Variants in TIMM23 observed in about 807,000 individuals in gnomAD.
The protein encoded by TIMM23 is translocase of inner mitochondrial membrane 23.
TIMM23 carries 19 observed loss-of-function variants against 30.7 expected under a neutral mutation model. The observed-to-expected ratio is 0.62, with a 90% CI of 0.43 to 0.91. TIMM23 has a LOEUF of 0.91. Among genes scored for constraint, TIMM23 ranks in the 40% least tolerant of loss-of-function variants. The pLI, the probability that TIMM23 is intolerant of heterozygous loss-of-function variation, is 0.00. For synonymous variants in TIMM23, 78 were observed against 98.5 expected (o/e 0.79, Z 1.23); for missense variants, 202 against 269.2 (o/e 0.75, Z 1.75).
At chr10:45,974,854 G>T (rs1837617488) in intron 1 of TIMM23, among the ~76,000 whole-genome samples, 1 of 151,814 alleles carries the variant, frequency 6.6e-6, no homozygotes, top group South Asian at 2.1e-4. Context: ...AAGATGATAG[G>T]TTTTACTGTT....
intron 2 of TIMM23, among the ~76,000 whole-genome samples, chr10:45,976,907 T>C (rs1257251787): frequency 1.3e-5 from 2 of 152,306 alleles, no homozygotes; most frequent in Non-Finnish European, 2.9e-5. Flanking sequence ...TTAAAACTAA[T>C]GATCGAGTTC....
chr10:45,988,441 T>C (rs1554915169), intron 5 of TIMM23, among the ~76,000 whole-genome samples: 1 of 150,990 alleles, frequency 6.6e-6, no homozygotes, highest in East Asian at 2.0e-4. Context: ...GAAAAGGGAG[T>C]AGGTGAAAGG....
In TIMM23 at chr10:45,998,297, G is replaced by A. The variant is rs915967080; in HGVS notation, c.515-4906G>A. The A allele has an allele frequency of 4.9e-3, 3,816 of 777,912 alleles. 15 individuals are homozygous for A. Among genetic ancestry groups the A allele is most frequent in the Non-Finnish European group, 5.4e-3 (3,434 of 640,402 alleles). 48.2% of individuals were successfully genotyped at this position (777,912 alleles called of 1,614,324 possible). ...ATCAACCCTATATCCCACAAACAAG[G>A]CACTTAAATATTCTGGGCCTCATTT... On this transcript the variant is annotated intron_variant, in intron 6 of 6. Transcript: ENST00000580018.
chr10:45,985,249 A>G lies in TIMM23; in HGVS notation c.345-134A>G. ...AACCATCCTTATTGAAATCGGAGAT[A>G]TTAAGATGTATTTTAGAATTTAAAA... On this transcript the variant is annotated intron_variant, in intron 4 of 6. Coordinates refer to ENST00000580018, the MANE Select transcript of TIMM23 (RefSeq NM_006327.4). 7 of 729,504 alleles carry G rather than the reference A, an allele frequency of 9.6e-6. No individual in the cohort carries two copies. The South Asian group carries it at 1.0e-4, about 11-fold the overall frequency. 45.2% of individuals were successfully genotyped at this position (729,504 alleles called of 1,614,324 possible). A position where few individuals can be genotyped will look rare whatever the true frequency, so the allele number is the denominator to read the frequency against.
chr10:46,003,432 A>G lies in TIMM23; in HGVS notation c.*114A>G. 1 of 775,126 alleles carries G rather than the reference A, an allele frequency of 1.3e-6. No homozygotes were observed. Among genetic ancestry groups the G allele is most frequent in the African/African-American group, 1.8e-5 (1 of 57,072 alleles). The allele number at this position is 775,126 out of a possible 1,614,324, so 48.0% of individuals were successfully genotyped here. ...CTACAATTAGTTTGAAAAATTGGAGATTTTGATTTGCTGTGATGAAAATCC... is the reference window on the plus strand; with the variant it reads ...CTACAATTAGTTTGAAAAATTGGAGGTTTTGATTTGCTGTGATGAAAATCC... On this transcript the variant is annotated 3_prime_UTR_variant, in exon 7 of 7. Coordinates refer to ENST00000580018, the MANE Select transcript of TIMM23 (RefSeq NM_006327.4).
intron 6 of TIMM23, chr10:45,998,279 C>T (rs1838409285): frequency 1.7e-6 from 1 of 596,698 alleles, no homozygotes; most frequent in South Asian, 7.4e-5. Flanking sequence ...CTAATCAACC[C>T]TATATCCCAC....
At chr10:45,985,789 G>C (rs1358797402) in intron 5 of TIMM23, among the ~76,000 whole-genome samples, 2 of 152,196 alleles carry the variant, frequency 1.3e-5, no homozygotes, top group Non-Finnish European at 2.9e-5. Context: ...TCAAGGTCCT[G>C]TAGTGATACA....
chr10:45,997,359 A>T (rs1345365139), intron 6 of TIMM23, among the ~76,000 whole-genome samples: 1 of 152,130 alleles, frequency 6.6e-6, no homozygotes, highest in African/African-American at 2.4e-5. Flanking sequence ...GATTCTACTA[A>T]TGTGAGGTAC....
intron 6 of TIMM23, among the ~76,000 whole-genome samples, chr10:45,995,214 G>T (rs1328484084): frequency 6.6e-6 from 1 of 151,982 alleles, no homozygotes; most frequent in Non-Finnish European, 1.5e-5. Flanking sequence ...TCCAGACTAT[G>T]TTATGTTACT....
At chr10:45,974,460 G>A (rs1376459972) in intron 1 of TIMM23, among the ~76,000 whole-genome samples, 1 of 152,194 alleles carries the variant, frequency 6.6e-6, no homozygotes, top group African/African-American at 2.4e-5. Flanking sequence ...AATTTGGCAG[G>A]TTTAAGGAAC....
At chr10:45,995,692 T>TA (rs1287781484) in intron 6 of TIMM23, among the ~76,000 whole-genome samples, 1 of 133,468 alleles carries the variant, frequency 7.5e-6, no homozygotes, top group East Asian at 2.1e-4. Flanking sequence ...TATGCCAAGG[T>TA]AAAATTTTCA....
chr10:45,993,100 T>G (rs1197305791), intron 6 of TIMM23, among the ~76,000 whole-genome samples: 2 of 152,186 alleles, frequency 1.3e-5, no homozygotes, highest in East Asian at 1.9e-4. Flanking sequence ...CATACAGTTT[T>G]GCACATACAT....
At chr10:45,992,487 G>A (rs1554915968) in intron 6 of TIMM23, 1 of 455,586 alleles carries the variant, frequency 2.2e-6, no homozygotes, top group Admixed American at 2.4e-5. Context: ...CTCTTTAGAA[G>A]TTTTATAAAC....
intron 1 of TIMM23, among the ~76,000 whole-genome samples, chr10:45,973,130 C>G (rs1837547944): frequency 1.3e-5 from 2 of 151,946 alleles, no homozygotes; most frequent in African/African-American, 4.8e-5. Flanking sequence ...TTCTGAGCCT[C>G]CAAGTAGCCG....
In TIMM23 at chr10:45,972,660, A is replaced by G; in HGVS notation, c.36A>G (p.Thr12=). The change falls in exon 1 of 7, where the codon ACA becomes ACG. Residue 12 remains threonine, a synonymous_variant. Transcript: ENST00000580018. ...GCGGGGGAAGCGGCAACAAAACCACAGGGGGATTGGCCGGCTTTTTCGGAG... is the reference window on the plus strand; with the variant it reads ...GCGGGGGAAGCGGCAACAAAACCACGGGGGGATTGGCCGGCTTTTTCGGAG... ...EGGGGSGNKT[T]GGLAGFFGAG... 1.2e-6 allele frequency: 2 copies of G among 1,613,926 alleles called. No individual in the cohort carries two copies. Among genetic ancestry groups the G allele is most frequent in the Non-Finnish European group, 1.7e-6 (2 of 1,179,856 alleles).
intron 1 of TIMM23, among the ~76,000 whole-genome samples, chr10:45,973,010 G>A (rs1423269516): frequency 1.3e-5 from 2 of 152,166 alleles, no homozygotes; most frequent in South Asian, 2.1e-4. Flanking sequence ...TACGTTTTGT[G>A]TGTGGTGGGC....
At chr10:46,000,020 C>A (rs1838478111) in intron 6 of TIMM23, among the ~76,000 whole-genome samples, 1 of 152,196 alleles carries the variant, frequency 6.6e-6, no homozygotes, top group African/African-American at 2.4e-5. Flanking sequence ...GGTTATCTCT[C>A]TTATTCCCTG....
At chr10:46,000,107 G>A (rs908073929) in intron 6 of TIMM23, among the ~76,000 whole-genome samples, 1 of 152,088 alleles carries the variant, frequency 6.6e-6, no homozygotes, top group Non-Finnish European at 1.5e-5. Context: ...TCTACAATTT[G>A]TGCGGTTAAC....
chr10:45,993,288 C>T (rs1288943283), intron 6 of TIMM23, among the ~76,000 whole-genome samples: 73 of 144,686 alleles, frequency 5.0e-4, no homozygotes, highest in African/African-American at 1.5e-3. Context: ...TCTCGTTGGC[C>T]AGACTGGAGT....
Sources: gnomAD v4.1 joint callset for allele counts (sites outside exome capture counted in the v4.1 genomes callset) on GRCh38, gnomAD v4.1.1 for gene constraint, MANE v1.5 for transcripts, NCBI Gene and HGNC (gene_info 2026-07-23, HGNC 2026-07-21) for gene names.